LRRC8C: variants seen among roughly 807,000 people sequenced by gnomAD.
LRRC8C encodes the protein leucine rich repeat containing 8 VRAC subunit C.
A neutral mutation model predicts 55.3 loss-of-function variants in LRRC8C; 20 were observed. The ratio of observed to expected loss-of-function variants is 0.36; its 90% confidence interval spans 0.25 to 0.53. The LOEUF (loss-of-function observed/expected upper bound fraction) is 0.53, where lower values mean the gene tolerates loss of function less well. LRRC8C is among the 20% of genes least tolerant of loss of function. The probability of loss-of-function intolerance (pLI) is 0.92; values close to 1 mark genes in which losing one functional copy is unlikely to be tolerated. For synonymous variants in LRRC8C, 376 were observed against 360.7 expected, an observed-to-expected ratio of 1.04 and a Z score of -0.48; for missense variants, 659 against 951.4, an observed-to-expected ratio of 0.69 and a Z score of 4.04.
chr1:89,686,194 G>T (rs1170397787), intron 1 of LRRC8C, among the ~76,000 whole-genome samples: 1 of 152,114 alleles, frequency 6.6e-6, no homozygotes, highest in East Asian at 1.9e-4. Flanking sequence ...ACTGGGACTT[G>T]GAAAGTGTCT....
In LRRC8C at chr1:89,715,139, G is replaced by C; in HGVS notation, c.*157G>C. Reference sequence around the variant, plus strand: ...ATGTATTTTTAATAAAAATTTAATTGTATTTTTTCAATATTAATATTTTGA... The same window carrying C: ...ATGTATTTTTAATAAAAATTTAATTCTATTTTTTCAATATTAATATTTTGA... On this transcript the variant is annotated 3_prime_UTR_variant, in exon 3 of 3. Coordinates refer to ENST00000370454, the MANE Select transcript of LRRC8C (RefSeq NM_032270.5). 2.4e-6 allele frequency: 1 copy of C among 423,898 alleles called. No homozygotes were observed. Among genetic ancestry groups the C allele is most frequent in the East Asian group, 3.6e-5 (1 of 27,570 alleles). The allele number at this position is 423,898 out of a possible 1,614,324, so 26.3% of individuals were successfully genotyped here. A position where few individuals can be genotyped will look rare whatever the true frequency, so the allele number is the denominator to read the frequency against.
chr1:89,617,779 C>T, the LRRC8C span, among the ~76,000 whole-genome samples: 1 of 152,118 alleles, frequency 6.6e-6, no homozygotes. Context: ...CTCCTATGAC[C>T]CTCTCAGGTT....
intron 2 of LRRC8C, among the ~76,000 whole-genome samples, chr1:89,689,321 C>G (rs991846299): frequency 2.0e-5 from 3 of 152,156 alleles, no homozygotes; most frequent in African/African-American, 7.2e-5. Context: ...AAAGGTGAGG[C>G]CCGAGACACA....
intron 1 of LRRC8C, among the ~76,000 whole-genome samples, chr1:89,655,548 A>G (rs1286236066): frequency 6.6e-6 from 1 of 152,206 alleles, no homozygotes; most frequent in Non-Finnish European, 1.5e-5. Context: ...TGAATATAAA[A>G]TTTTGGGCTT....
chr1:89,692,239 G>GT (rs1658047135), intron 2 of LRRC8C, among the ~76,000 whole-genome samples: 1 of 152,286 alleles, frequency 6.6e-6, no homozygotes, highest in Admixed American at 6.5e-5. Context: ...AATTGAAAGT[G>GT]TATCATTCTT....
chr1:89,714,182 C>A lies in LRRC8C; in HGVS notation c.1612C>A (p.Leu538Met). The A allele has an allele frequency of 6.2e-7, 1 of 1,614,076 alleles. No homozygotes were observed. The highest frequency in any genetic ancestry group is 1.1e-5 in the South Asian group (1 of 91,048). ...DISRNVTLES[L>M]RDLKSLKILS... is the part of the protein sequence containing the mutation. ...TTCCAGAAATGTCACCCTTGAGTCTCTGCGGGATCTCAAAAGCCTTAAAAT... is the reference window on the plus strand; with the variant it reads ...TTCCAGAAATGTCACCCTTGAGTCTATGCGGGATCTCAAAAGCCTTAAAAT... The change falls in exon 3 of 3, where the codon CTG (leucine) becomes ATG (methionine). Residue 538 changes from leucine to methionine, a missense_variant. Physicochemically the swap from Leu to Met is conservative, Grantham distance 15. Transcript: ENST00000370454. The surrounding 1 kb of genome is among the most constrained non-coding windows in gnomAD (Gnocchi z 4.6).
intron 2 of LRRC8C, among the ~76,000 whole-genome samples, chr1:89,690,907 C>T (rs1041504395): frequency 2.6e-5 from 4 of 152,070 alleles, no homozygotes; most frequent in South Asian, 2.1e-4. Context: ...TCTCTTCAGC[C>T]GTTAAAAAGA....
intron 2 of LRRC8C, among the ~76,000 whole-genome samples, chr1:89,697,112 A>T (rs1205372862): frequency 6.6e-6 from 1 of 152,166 alleles, no homozygotes; most frequent in Admixed American, 6.6e-5. Context: ...CAAATTATGG[A>T]TATTATCTTT....
intron 1 of LRRC8C, among the ~76,000 whole-genome samples, chr1:89,636,502 T>C (rs1656286085): frequency 2.0e-5 from 3 of 152,242 alleles, no homozygotes; most frequent in South Asian, 2.1e-4. Context: ...TAACAATATG[T>C]TGATGGATCG....
chr1:89,691,811 C>T (rs1658034541), intron 2 of LRRC8C, among the ~76,000 whole-genome samples: 1 of 151,898 alleles, frequency 6.6e-6, no homozygotes, highest in Non-Finnish European at 1.5e-5. Context: ...CAAGGTTTGG[C>T]TTATAAAACA....
At chr1:89,657,200 A>G (rs1190458049) in intron 1 of LRRC8C, among the ~76,000 whole-genome samples, 1 of 152,226 alleles carries the variant, frequency 6.6e-6, no homozygotes, top group African/African-American at 2.4e-5. Context: ...CATCTAAGGC[A>G]ATAACAGGAG....
At chr1:89,634,015 G>T (rs889579195) in intron 1 of LRRC8C, among the ~76,000 whole-genome samples, 1 of 152,242 alleles carries the variant, frequency 6.6e-6, no homozygotes, top group South Asian at 2.1e-4. Context: ...AGCAACTCAG[G>T]AGCCTTAGAT....
rs1452105159 is a variant in LRRC8C at position 89,714,294 on chromosome 1, A to T, written c.1724A>T (p.Asp575Val). 2 of 1,614,138 alleles carry T rather than the reference A, an allele frequency of 1.2e-6. No homozygotes were observed. Among genetic ancestry groups the T allele is most frequent in the Admixed American group, 1.7e-5 (1 of 60,020 alleles). The change falls in exon 3 of 3, where the codon GAT becomes GTT. Residue 575 changes from aspartate to valine, a missense_variant. Physicochemically the swap from Asp to Val is radical, Grantham distance 152. This residue lies in a region of LRRC8C where 344 missense variants were observed against 464.6 expected (regional missense o/e 0.74). Coordinates refer to ENST00000370454, the MANE Select transcript of LRRC8C (RefSeq NM_032270.5). The surrounding 1 kb of genome is among the most constrained non-coding windows in gnomAD (Gnocchi z 4.6). ...SHLQKMCIHN[D>V]GTKLVMLNNL... ...CTCCAGAAGATGTGCATACATAATG[A>T]TGGCACCAAGCTGGTGATGCTCAAC...
At chr1:89,648,168 A>G (rs557668095) in intron 1 of LRRC8C, among the ~76,000 whole-genome samples, 133 of 152,380 alleles carry the variant, frequency 8.7e-4, no homozygotes, top group African/African-American at 3.1e-3. Context: ...AATCGAATAC[A>G]TAGGTTAAAA....
At chr1:89,700,634 CCTT>C (rs2101325566) in intron 2 of LRRC8C, among the ~76,000 whole-genome samples, 1 of 152,302 alleles carries the variant, frequency 6.6e-6, no homozygotes, top group South Asian at 2.1e-4. Flanking sequence ...TTTGCTATAT[CCTT>C]CTTAGGTCAA....
chr1:89,633,345 G>C (rs1313687420), intron 1 of LRRC8C, 23 bp downstream of exon 1: 1 of 152,334 alleles, frequency 6.6e-6, no homozygotes, highest in Non-Finnish European at 1.5e-5. Context: ...GATCCGCGGA[G>C]GGATGGAGAG....
At chr1:89,706,941 A>C (rs1165852908) in intron 2 of LRRC8C, among the ~76,000 whole-genome samples, 1 of 152,200 alleles carries the variant, frequency 6.6e-6, no homozygotes, top group African/African-American at 2.4e-5. Context: ...TCCAAATTTT[A>C]GTGAATCCAT....
rs879294373 is a variant in LRRC8C, at chr1:89,689,005, C to CTTTCCT, written c.138+2395_138+2396insTTCCTT. Among the ~76,000 whole-genome samples, 366 of 152,268 alleles carry CTTTCCT rather than the reference C, an allele frequency of 2.4e-3. 5 individuals carry two copies. The highest frequency in any genetic ancestry group is 0.018 in the Admixed American group (269 of 15,298). On this transcript the variant is annotated intron_variant, in intron 2 of 2. Transcript: ENST00000370454. Reference sequence around the variant, plus strand: ...CCTAAAGTAGATCACTTTCCTTGCACTGGAGATGATTTGGGGAGGAGAGGC... The same window carrying CTTTCCT: ...CCTAAAGTAGATCACTTTCCTTGCACTTTCCTTGGAGATGATTTGGGGAGGAGAGGC...
intron 2 of LRRC8C, among the ~76,000 whole-genome samples, chr1:89,697,568 C>A (rs550051262): frequency 4.6e-5 from 7 of 152,080 alleles, no homozygotes; most frequent in Non-Finnish European, 1.5e-5. Flanking sequence ...TTCAAACAAC[C>A]GAAACAAATA....
Sources: gnomAD v4.1 joint callset for allele counts (sites outside exome capture counted in the v4.1 genomes callset) on GRCh38, gnomAD v4.1.1 for gene constraint, gnomAD v4.1.1 regional missense constraint, Gnocchi (gnomAD v3.1) non-coding constraint, MANE v1.5 for transcripts, NCBI Gene and HGNC (gene_info 2026-07-23, HGNC 2026-07-21) for gene names.